The following CTNNA2 variants were observed in gnomAD, a reference collection of about 807,000 sequenced individuals.
CTNNA2 encodes the protein catenin alpha-2.
In CTNNA2, 42 loss-of-function variants were observed where a neutral mutation model predicts 101.0. The observed-to-expected ratio is 0.42, with a 90% CI of 0.32 to 0.54. The LOEUF (loss-of-function observed/expected upper bound fraction) is 0.54, where lower values mean the gene tolerates loss of function less well. CTNNA2 is among the 20% of genes least tolerant of loss of function. The probability of loss-of-function intolerance (pLI) is 0.14; values close to 1 mark genes in which losing one functional copy is unlikely to be tolerated. For synonymous variants in CTNNA2, 450 were observed against 456.4 expected (o/e 0.99, Z 0.18); for missense variants, 871 against 1,223.1 (o/e 0.71, Z 4.29).
intron 1 of CTNNA2, among the ~76,000 whole-genome samples, chr2:79,649,686 C>T (rs1681080732): frequency 6.6e-6 from 1 of 152,156 alleles, no homozygotes; most frequent in Admixed American, 6.5e-5. Context: ...GGACAGGCAG[C>T]ATGTCGGTGC....
intron 9 of CTNNA2, among the ~76,000 whole-genome samples, chr2:80,459,837 G>T (rs531700846): frequency 6.6e-6 from 1 of 152,226 alleles, no homozygotes; most frequent in Non-Finnish European, 1.5e-5. Flanking sequence ...CCCTGCCAGG[G>T]TACTCAGGTC....
chr2:80,265,976 C>T (rs552721381), intron 7 of CTNNA2, among the ~76,000 whole-genome samples: 12 of 152,282 alleles, frequency 7.9e-5, no homozygotes, highest in African/African-American at 1.7e-4. Context: ...GTTAAACTGT[C>T]GGCAGAGTTT....
At chr2:79,188,580 T>C (rs760567194) in intron 1 of CTNNA2, among the ~76,000 whole-genome samples, 1 of 152,034 alleles carries the variant, frequency 6.6e-6, no homozygotes, top group Non-Finnish European at 1.5e-5. Context: ...GTACAGACAA[T>C]AGACAACAGA....
At chr2:79,428,391 A>G (rs6714400) in intron 4 of CTNNA2, among the ~76,000 whole-genome samples, 48,453 of 151,848 alleles carry the variant, frequency 0.32, 7,869 homozygotes, top group South Asian at 0.44. Context: ...AATGCTTCAC[A>G]CTTGGAACAA....
At chr2:79,348,062 G>A (rs1305785940) in intron 3 of CTNNA2, among the ~76,000 whole-genome samples, 1 of 152,056 alleles carries the variant, frequency 6.6e-6, no homozygotes, top group African/African-American at 2.4e-5. Flanking sequence ...CTCAGAATAT[G>A]GCCAAGATCC....
chr2:80,389,896 A>G (rs1031619863), intron 7 of CTNNA2, among the ~76,000 whole-genome samples: 7 of 152,158 alleles, frequency 4.6e-5, no homozygotes, highest in African/African-American at 1.7e-4. Context: ...CAGGATCACA[A>G]ATATTACACA....
At position 79,543,355 on chromosome 2, in the gene CTNNA2, G is replaced by A. The variant is rs868257762; in HGVS notation, c.-6+30148G>A. Among the ~76,000 whole-genome samples, 11 of 152,244 alleles carry A rather than the reference G, an allele frequency of 7.2e-5. No individual in the cohort carries two copies. In the South Asian group the frequency reaches 1.0e-3, roughly 14 times the overall value. ...ATTTTACTTTGAAATGTGAAATCAA[G>A]TTATTATTTCAGTAACTAAGCATTG... On this transcript the variant is annotated intron_variant, in intron 1 of 18. Coordinates refer to ENST00000402739, the MANE Select transcript of CTNNA2 (RefSeq NM_001282597.3).
intron 3 of CTNNA2, among the ~76,000 whole-genome samples, chr2:79,798,212 T>C (rs1444265349): frequency 6.6e-6 from 1 of 152,230 alleles, no homozygotes. Flanking sequence ...CCAACTCTTA[T>C]GTCTCCACAT....
intron 3 of CTNNA2, among the ~76,000 whole-genome samples, chr2:79,754,313 A>G (rs1672254541): frequency 6.6e-6 from 1 of 152,102 alleles, no homozygotes; most frequent in Admixed American, 6.5e-5. Context: ...CTTGCCTCCT[A>G]ATGACCTGGT....
At chr2:79,467,492 G>T (rs557435153) in intron 4 of CTNNA2, among the ~76,000 whole-genome samples, 3 of 152,118 alleles carry the variant, frequency 2.0e-5, no homozygotes, top group African/African-American at 7.2e-5. Context: ...ACCTAGCAAG[G>T]CAGGCCAACA....
intron 7 of CTNNA2, among the ~76,000 whole-genome samples, chr2:79,942,920 A>G (rs930614862): frequency 6.6e-6 from 1 of 152,182 alleles, no homozygotes; most frequent in Admixed American, 6.5e-5. Context: ...ATTGAATCCT[A>G]ATTTAAGAGA....
intron 3 of CTNNA2, among the ~76,000 whole-genome samples, chr2:79,340,557 G>A (rs561719135): frequency 6.6e-6 from 1 of 152,160 alleles, no homozygotes; most frequent in African/African-American, 2.4e-5. Context: ...CATGAGGCCG[G>A]GCGTGGTGGC....
intron 7 of CTNNA2, among the ~76,000 whole-genome samples, chr2:80,170,360 C>A (rs1704976991): frequency 6.6e-6 from 1 of 152,082 alleles, no homozygotes. Flanking sequence ...ATATTTCTTT[C>A]TTTGACAGTT....
At position 79,888,311 on chromosome 2, in the gene CTNNA2, A is replaced by T. The variant is rs913964870; in HGVS notation, c.852+13969A>T. 3.3e-5 allele frequency among the ~76,000 whole-genome samples: 5 copies of T among 152,290 alleles called. No individual in the cohort carries two copies. In the South Asian group the frequency reaches 1.0e-3, roughly 32 times the overall value. On this transcript the variant is annotated intron_variant, in intron 6 of 18. Transcript: ENST00000402739. ...CATAGTCTTCACTGCTTCCTGAGCT[A>T]TACCGCTTCACTTTCCAGAATCCAT...
intron 4 of CTNNA2, among the ~76,000 whole-genome samples, chr2:79,438,226 T>C (rs1678738187): frequency 1.3e-5 from 2 of 152,126 alleles, no homozygotes; most frequent in Admixed American, 6.5e-5. Flanking sequence ...GCTCTAGAGA[T>C]AAGTGTGGGG....
intron 4 of CTNNA2, among the ~76,000 whole-genome samples, chr2:79,431,653 T>TG (rs1325417421): frequency 6.6e-6 from 1 of 152,168 alleles, no homozygotes; most frequent in Non-Finnish European, 1.5e-5. Flanking sequence ...ATGGAATATA[T>TG]GGCTAGCAGA....
chr2:80,225,000 A>C (rs1383940156), intron 7 of CTNNA2, among the ~76,000 whole-genome samples: 1 of 152,120 alleles, frequency 6.6e-6, no homozygotes, highest in Non-Finnish European at 1.5e-5. Flanking sequence ...CCAAATCCCC[A>C]CACTGCACCA....
chr2:80,647,907 T>TATTC lies in CTNNA2; in HGVS notation c.*35_*36insATTC. ...TTTTAACAAGAAAGCTTTTTCTTTC[T>TATTC]TTTCTTTCTTTCTTTTTCTTTTTAA... On this transcript the variant is annotated 3_prime_UTR_variant, in exon 19 of 19. Transcript: ENST00000402739. The TATTC allele has an allele frequency of 6.5e-7, 1 of 1,527,730 alleles. No homozygotes were observed. Among genetic ancestry groups the TATTC allele is most frequent in the Non-Finnish European group, 8.8e-7 (1 of 1,139,200 alleles). The allele number at this position is 1,527,730 out of a possible 1,614,324, so 94.6% of individuals were successfully genotyped here.
chr2:79,359,097 G>A (rs530871273), intron 3 of CTNNA2, among the ~76,000 whole-genome samples: 2 of 152,144 alleles, frequency 1.3e-5, no homozygotes, highest in South Asian at 4.2e-4. Flanking sequence ...CAGCTTTTGA[G>A]TACAACATAA....
Sources: gnomAD v4.1 joint callset for allele counts (sites outside exome capture counted in the v4.1 genomes callset) on GRCh38, gnomAD v4.1.1 for gene constraint, MANE v1.5 for transcripts, NCBI Gene and HGNC (gene_info 2026-07-23, HGNC 2026-07-21) for gene names.